The following ZNF836 variants were observed in gnomAD, a reference collection of about 807,000 sequenced individuals.
ZNF836 encodes zinc finger protein 836.
In ZNF836, 12 loss-of-function variants were observed where a neutral mutation model predicts 7.4. That is an observed-to-expected ratio of 1.61 (90% CI 1.03 to 2.61). ZNF836 has a LOEUF of 2.61. Ranked by LOEUF, ZNF836 falls within the 30% of genes most tolerant of loss-of-function variation. ZNF836 has a pLI of 0.00. For synonymous variants in ZNF836, 365 were observed against 382.6 expected, an observed-to-expected ratio of 0.95 and a Z score of 0.54; for missense variants, 998 against 1,126.2, an observed-to-expected ratio of 0.89 and a Z score of 1.63.
chr19:52,164,553 C>T (rs964967004), intron 3 of ZNF836, among the ~76,000 whole-genome samples: 1 of 151,602 alleles, frequency 6.6e-6, no homozygotes, highest in African/African-American at 2.4e-5. Flanking sequence ...GAAATAGTCA[C>T]TAGATGAGTT....
In ZNF836 at chr19:52,157,473, G is replaced by A. The variant is rs762978462; in HGVS notation, c.210C>T (p.Cys70=). The change falls in exon 5 of 5, where the codon TGC becomes TGT. Residue 70 remains cysteine (C), a synonymous_variant. Transcript: ENST00000682614. The part of the protein sequence containing the change: ...PIGNSNTGEK[C]QTVTLERHEC... ...CATGTCTTTCCAGCGTCACTGTTTG[G>A]CATTTTTCTCCTGTATTACTGTTCC... 1 of 1,588,770 alleles carries A rather than the reference G, an allele frequency of 6.3e-7. No homozygotes were observed. The highest frequency in any genetic ancestry group is 2.2e-5 in the East Asian group (1 of 44,752).
In ZNF836 at chr19:52,156,880, T is replaced by A; in HGVS notation, c.803A>T (p.His268Leu). 6.2e-7 allele frequency: 1 copy of A among 1,614,198 alleles called. No individual in the cohort carries two copies. Among genetic ancestry groups the A allele is most frequent in the Non-Finnish European group, 8.5e-7 (1 of 1,180,028 alleles). Residue 268 changes from histidine (H) to leucine (L), a missense_variant, in exon 5 of 5, where the codon CAT (histidine) becomes CTT (leucine). Transcript: ENST00000682614. ...ACATTGATATGGCTTCCCCCTTGTA[T>A]GGACTATCTGATGTATAGTTAGTAG... ...GSLLTIHQIV[H>L]TRGKPYQCGV... is the part of the protein sequence containing the mutation.
At position 52,154,802 on chromosome 19, in the gene ZNF836, G is replaced by A; in HGVS notation, c.*70C>T. 2 of 1,356,926 alleles carry A rather than the reference G, an allele frequency of 1.5e-6. No individual in the cohort carries two copies. Among genetic ancestry groups the A allele is most frequent in the African/African-American group, 1.5e-5 (1 of 68,042 alleles). The allele number at this position is 1,356,926 out of a possible 1,614,324, so 84.1% of individuals were successfully genotyped here. A position where few individuals can be genotyped will look rare whatever the true frequency, so the allele number is the denominator to read the frequency against. On this transcript the variant is annotated 3_prime_UTR_variant, in exon 5 of 5. Transcript: ENST00000682614. ...CCCACCAGGCCCCACCTCCAATAAA[G>A]GGGATTAAAATTCCACATGAGATTT...
intron 2 of ZNF836, among the ~76,000 whole-genome samples, chr19:52,168,694 A>G (rs1487338446): frequency 6.6e-6 from 1 of 152,178 alleles, no homozygotes; most frequent in East Asian, 1.9e-4. Context: ...GTATGCGTAC[A>G]TATGTATAAT....
intron 3 of ZNF836, among the ~76,000 whole-genome samples, chr19:52,163,151 C>G (rs1003131987): frequency 6.6e-6 from 1 of 152,194 alleles, no homozygotes; most frequent in Non-Finnish European, 1.5e-5. Flanking sequence ...GCACAGCAGT[C>G]TCAAAGATCT....
chr19:52,157,256 A>G lies in ZNF836; in HGVS notation c.427T>C (p.Leu143=). 2 of 1,606,584 alleles carry G rather than the reference A, an allele frequency of 1.2e-6. No homozygotes were observed. The highest frequency in any genetic ancestry group is 1.7e-6 in the Non-Finnish European group (2 of 1,175,594). ...TCAGTCAGACGTGACTGAAAGCTTA[A>G]TGTAAGCTGATTTTCAATACATTTG... ...ENKCIENQLT[L]SFQSRLTELQ... The change falls in exon 5 of 5, where the codon TTA becomes CTA. Residue 143 remains leucine (L), a synonymous_variant. Coordinates refer to ENST00000682614, the MANE Select transcript of ZNF836 (RefSeq NM_001102657.3).
chr19:52,168,087 C>G lies in ZNF836; in HGVS notation c.-15G>C. 6.2e-7 allele frequency: 1 copy of G among 1,612,134 alleles called. No homozygotes were observed. The highest frequency in any genetic ancestry group is 8.5e-7 in the Non-Finnish European group (1 of 1,178,886). On this transcript the variant is annotated 5_prime_UTR_variant, in exon 3 of 5. Transcript: ENST00000682614. ...GTAAGAGCCATCCCTGACTCCTTTT[C>G]TTTCCTCTTCTTCCTCTTCTGGGCT... is the stretch of plus-strand genomic sequence containing the variant.
intron 3 of ZNF836, among the ~76,000 whole-genome samples, chr19:52,163,696 A>G (rs947290425): frequency 1.3e-5 from 2 of 152,208 alleles, no homozygotes; most frequent in Non-Finnish European, 2.9e-5. Context: ...CACTGAAAGG[A>G]ACAGGATGAA....
intron 3 of ZNF836, among the ~76,000 whole-genome samples, chr19:52,167,615 AG>A (rs1238339434): frequency 6.6e-6 from 1 of 152,158 alleles, no homozygotes; most frequent in Non-Finnish European, 1.5e-5. Context: ...CTTCAAATGT[AG>A]TATAAAATTA....
chr19:52,157,186 T>G lies in ZNF836; in HGVS notation c.497A>C (p.Gln166Pro). 6.2e-7 allele frequency: 1 copy of G among 1,613,016 alleles called. No homozygotes were observed. ...ACTGTTATTAACTGTCTTCTCAGATTGGTTACACTCATAAATTTTCCCTTC... is the reference window on the plus strand; with the variant it reads ...ACTGTTATTAACTGTCTTCTCAGATGGGTTACACTCATAAATTTTCCCTTC... ...QTEGKIYECNQSEKTVNNSSL... is the reference protein window; with the variant it reads ...QTEGKIYECNPSEKTVNNSSL... The change falls in exon 5 of 5, where the codon CAA becomes CCA. Residue 166 changes from glutamine to proline, a missense_variant. Coordinates refer to ENST00000682614, the MANE Select transcript of ZNF836 (RefSeq NM_001102657.3).
In ZNF836 at chr19:52,157,392, G is replaced by T. The variant is rs182900557; in HGVS notation, c.291C>A (p.Asp97Glu). Residue 97 changes from aspartate (D) to glutamate (E), a missense_variant, in exon 5 of 5, where the codon GAC becomes GAA. By Grantham distance (45) the Asp-to-Glu change is conservative. Coordinates refer to ENST00000682614, the MANE Select transcript of ZNF836 (RefSeq NM_001102657.3). ...YLREIQKNLQ[D>E]LEFQWKDGEI... ...CACCATCTTTCCATTGAAACTCAAGGTCCTGTAGATTTTTCTGGATTTCCC... is the reference window on the plus strand; with the variant it reads ...CACCATCTTTCCATTGAAACTCAAGTTCCTGTAGATTTTTCTGGATTTCCC... 2.1e-3 allele frequency: 3,432 copies of T among 1,609,122 alleles called. 33 individuals carry two copies. The highest frequency in any genetic ancestry group is 0.015 in the South Asian group (1,342 of 89,336).
In ZNF836 at chr19:52,154,831, A is replaced by G. The variant is rs2089135721; in HGVS notation, c.*41T>C. The G allele has an allele frequency of 7.0e-7, 1 of 1,438,230 alleles. No individual in the cohort carries two copies. The highest frequency in any genetic ancestry group is 9.2e-7 in the Non-Finnish European group (1 of 1,086,516). 89.1% of individuals were successfully genotyped at this position (1,438,230 alleles called of 1,614,324 possible). A position where few individuals can be genotyped will look rare whatever the true frequency, so the allele number is the denominator to read the frequency against. ...ATTAAAATTCCACATGAGATTTCAG[A>G]CGGAAGTGACAAATATACAAGCTAT... is the stretch of plus-strand genomic sequence containing the variant. On this transcript the variant is annotated 3_prime_UTR_variant, in exon 5 of 5. Coordinates refer to ENST00000682614, the MANE Select transcript of ZNF836 (RefSeq NM_001102657.3).
chr19:52,156,194 G>C lies in ZNF836; in HGVS notation c.1489C>G (p.Pro497Ala). Residue 497 changes from proline to alanine, a missense_variant, in exon 5 of 5, where the codon CCT becomes GCT. Transcript: ENST00000682614. ...GHRRIHTGEKPYKCDKCGKAF... is the reference protein window; with the variant it reads ...GHRRIHTGEKAYKCDKCGKAF... ...TTACCACATTTATCACATTTGTAAG[G>C]TTTCTCTCCAGTATGAATTCTCCGA... is the stretch of plus-strand genomic sequence containing the variant. 1 of 1,614,148 alleles carries C rather than the reference G, an allele frequency of 6.2e-7. No individual in the cohort carries two copies. The highest frequency in any genetic ancestry group is 2.2e-5 in the East Asian group (1 of 44,880).
Position 52,156,613 on chromosome 19 carries a change from G to A in ZNF836, c.1070C>T (p.Pro357Leu), listed in dbSNP as rs2089163323. The A allele has an allele frequency of 1.7e-5, 27 of 1,613,290 alleles. No individual in the cohort carries two copies. The highest frequency in any genetic ancestry group is 2.2e-5 in the Non-Finnish European group (26 of 1,179,526). ...THQIIHTGEK[P>L]YQCDICGKVF... ...CTTGCCACATATATCACATTGATAT[G>A]GTTTCTCTCCTGTATGGATTATCTG... Residue 357 changes from proline (P) to leucine (L), a missense_variant, in exon 5 of 5, where the codon CCA becomes CTA. Pro to Leu is a moderately conservative substitution (Grantham distance 98). Coordinates refer to ENST00000682614, the MANE Select transcript of ZNF836 (RefSeq NM_001102657.3).
At chr19:52,167,693 G>C (rs2089277904) in intron 3 of ZNF836, among the ~76,000 whole-genome samples, 1 of 152,080 alleles carries the variant, frequency 6.6e-6, no homozygotes, top group Non-Finnish European at 1.5e-5. Context: ...ACATTAATAT[G>C]TGACTTCCGT....
rs772482595 is a variant in ZNF836, at chr19:52,156,121, G to C, written c.1562C>G (p.Thr521Ser). The change falls in exon 5 of 5, where the codon ACC (threonine) becomes AGC (serine). Residue 521 changes from threonine to serine, a missense_variant. By Grantham distance (58) the Thr-to-Ser change is moderately conservative (BLOSUM62 1). Transcript: ENST00000682614. The part of the protein sequence containing the change: ...SLLTRHKIIH[T>S]REKRYQCGEC... ...ACCGCATTGGTAACGTTTCTCTCTG[G>C]TATGAATTATCTTATGTCGAGTGAG... The C allele has an allele frequency of 1.9e-6, 3 of 1,614,030 alleles. No individual in the cohort carries two copies. The highest frequency in any genetic ancestry group is 2.5e-6 in the Non-Finnish European group (3 of 1,179,946).
chr19:52,157,347 C>T lies in ZNF836; in HGVS notation c.336G>A (p.Val112=). The T allele has an allele frequency of 6.2e-7, 1 of 1,607,158 alleles. No homozygotes were observed. The highest frequency in any genetic ancestry group is 8.5e-7 in the Non-Finnish European group (1 of 1,178,078). The change falls in exon 5 of 5, where the codon GTG becomes GTA. Residue 112 remains valine, a synonymous_variant. Transcript: ENST00000682614. ...WKDGEINYKE[V]PMTYKNNLNG... ...TAAGATTGTTTTTATAGGTCATTGG[C>T]ACTTCTTTATAATTTATTTCACCAT... is the stretch of plus-strand genomic sequence containing the variant.
chr19:52,163,790 A>G (rs1258705826), intron 3 of ZNF836, among the ~76,000 whole-genome samples: 1 of 151,948 alleles, frequency 6.6e-6, no homozygotes, highest in Admixed American at 6.5e-5. Flanking sequence ...AAGATCTAGT[A>G]CCATAGGTGA....
intron 3 of ZNF836, among the ~76,000 whole-genome samples, chr19:52,162,995 A>G (rs1326109958): frequency 6.6e-6 from 1 of 152,134 alleles, no homozygotes; most frequent in Non-Finnish European, 1.5e-5. Flanking sequence ...CACTTCAGTC[A>G]TAGGTGGGGT....
Sources: gnomAD v4.1 joint callset for allele counts (sites outside exome capture counted in the v4.1 genomes callset) on GRCh38, gnomAD v4.1.1 for gene constraint, MANE v1.5 for transcripts, NCBI Gene and HGNC (gene_info 2026-07-23, HGNC 2026-07-21) for gene names.